Variants in TREH observed in about 807,000 individuals in gnomAD.
The protein encoded by TREH is alpha,alpha-trehalose glucohydrolase.
In TREH, 69 loss-of-function variants were observed where a neutral mutation model predicts 80.5. That is an observed-to-expected ratio of 0.86 (90% CI 0.71 to 1.05). The LOEUF is 1.05. Ranked by LOEUF, TREH falls within the 50% of genes least tolerant of loss-of-function variation. TREH has a pLI of 0.00. For missense variants in TREH, 716 were observed against 718.8 expected (o/e 1.00, Z 0.04); for synonymous variants, 309 against 293.5 (o/e 1.05, Z -0.54).
Position 118,658,713 on chromosome 11 carries a change from T to C in TREH, c.1566A>G (p.Gly522=). 1 of 1,604,532 alleles carries C rather than the reference T, an allele frequency of 6.2e-7. No homozygotes were observed. Among genetic ancestry groups the C allele is most frequent in the East Asian group, 2.3e-5 (1 of 44,398 alleles). ...CATATTCTCCTCCCCCACCGGGCTGTCCACCGTTGCTGACGTCATACTGGG... is the reference window on the plus strand; with the variant it reads ...CATATTCTCCTCCCCCACCGGGCTGCCCACCGTTGCTGACGTCATACTGGG... ...MYEKYDVSNG[G]QPGGGGEYEV... is the part of the protein sequence containing the mutation. The change falls in exon 14 of 15, where the codon GGA becomes GGG. Residue 522 remains glycine, a synonymous_variant. Transcript: ENST00000264029.
chr11:118,676,194 G>A (rs886653470), intron 1 of TREH, among the ~76,000 whole-genome samples: 27 of 152,160 alleles, frequency 1.8e-4, no homozygotes, highest in African/African-American at 4.3e-4. Context: ...TTTCTGGCAC[G>A]GCCTGCCTTC....
intron 1 of TREH, among the ~76,000 whole-genome samples, chr11:118,666,105 T>TGTA (rs1260712798): frequency 6.6e-6 from 1 of 152,090 alleles, no homozygotes; most frequent in Non-Finnish European, 1.5e-5. Context: ...GGCATGATGG[T>TGTA]GCCTGTAATT....
intron 1 of TREH, among the ~76,000 whole-genome samples, chr11:118,679,032 G>GT (rs1349494367): frequency 2.0e-5 from 3 of 152,246 alleles, no homozygotes; most frequent in African/African-American, 7.2e-5. Flanking sequence ...GCTCTGGCCA[G>GT]CAGGCTCTTG....
intron 1 of TREH, among the ~76,000 whole-genome samples, chr11:118,668,238 C>T (rs983097285): frequency 6.6e-6 from 1 of 151,474 alleles, no homozygotes; most frequent in African/African-American, 2.4e-5. Context: ...TACTTCCAAA[C>T]TCTTCCTACA....
rs1555144053 is a variant in TREH, at chr11:118,658,717, C to T, written c.1562G>A (p.Gly521Asp). Residue 521 changes from glycine (G) to aspartate (D), a missense_variant, in exon 14 of 15, where the codon GGT becomes GAT. Physicochemically the swap from Gly to Asp is moderately conservative, Grantham distance 94. Coordinates refer to ENST00000264029, the MANE Select transcript of TREH (RefSeq NM_007180.3). ...TTCTCCTCCCCCACCGGGCTGTCCA[C>T]CGTTGCTGACGTCATACTGGGGACA... is the stretch of plus-strand genomic sequence containing the variant. The part of the protein sequence containing the change: ...AMYEKYDVSN[G>D]GQPGGGGEYE... 5 of 1,604,970 alleles carry T rather than the reference C, an allele frequency of 3.1e-6. No individual in the cohort carries two copies. The African/African-American group carries it at 4.0e-5, about 13-fold the overall frequency.
intron 1 of TREH, among the ~76,000 whole-genome samples, chr11:118,666,171 T>C (rs1287453818): frequency 6.6e-6 from 1 of 152,020 alleles, no homozygotes; most frequent in African/African-American, 2.4e-5. Context: ...AAGTGGAGGT[T>C]GCAGTGGGCC....
intron 4 of TREH, 193 bp downstream of exon 4, chr11:118,662,688 G>A (rs1225731809): frequency 1.3e-4 from 84 of 626,216 alleles, no homozygotes; most frequent in Non-Finnish European, 1.1e-5. Context: ...GAGGCGAGAT[G>A]TTAGAAGTAG....
At chr11:118,666,206 C>T (rs1565528120) in intron 1 of TREH, among the ~76,000 whole-genome samples, 1 of 151,540 alleles carries the variant, frequency 6.6e-6, no homozygotes, top group East Asian at 1.9e-4. Context: ...GCACTGCAGC[C>T]TGGGCAATGG....
chr11:118,663,298 G>A (rs1555145354), intron 2 of TREH, 41 bp downstream of exon 2: 1 of 1,564,436 alleles, frequency 6.4e-7, no homozygotes, highest in South Asian at 1.2e-5. Flanking sequence ...TCTTTGGAGA[G>A]AAGGTTCTCT....
chr11:118,658,610 G>A lies in TREH; in HGVS notation c.1599+70C>T, dbSNP rs1478732110. The A allele has an allele frequency of 4.5e-6, 7 of 1,544,480 alleles. No individual in the cohort carries two copies. In the Admixed American group the frequency reaches 1.4e-4, roughly 30 times the overall value. On this transcript the variant is annotated intron_variant, in intron 14 of 14. Coordinates refer to ENST00000264029, the MANE Select transcript of TREH (RefSeq NM_007180.3). Reference sequence around the variant, plus strand: ...ATGCAGGTGAGCACACTGAGGCCTGGGGCGGGGGTCATGAGCAGCAGAGTT... The same window carrying A: ...ATGCAGGTGAGCACACTGAGGCCTGAGGCGGGGGTCATGAGCAGCAGAGTT...
intron 13 of TREH, 70 bp from the exon 14 acceptor site, chr11:118,658,803 C>A (rs565616641): frequency 7.4e-5 from 119 of 1,611,114 alleles, no homozygotes; most frequent in Non-Finnish European, 7.7e-5. Flanking sequence ...ACAACCAGAG[C>A]CCCTGGGGAG....
In TREH at chr11:118,658,735, TGGGGACAAGCGGGTGG is replaced by T. The variant is rs781848712; in HGVS notation, c.1546-18_1546-3del. On this transcript the variant is annotated splice_region_variant and splice_polypyrimidine_tract_variant and intron_variant, in intron 13 of 14. Coordinates refer to ENST00000264029, the MANE Select transcript of TREH (RefSeq NM_007180.3). ...CTGTCCACCGTTGCTGACGTCATAC[TGGGGACAAGCGGGTGG>T]GCTGTATGTCAGGTACTGCCCCCCA... is the stretch of plus-strand genomic sequence containing the variant. 6.2e-7 allele frequency: 1 copy of T among 1,607,784 alleles called. No individual in the cohort carries two copies. The highest frequency in any genetic ancestry group is 1.7e-5 in the Admixed American group (1 of 58,742).
At chr11:118,665,484 C>T (rs1213755334) in intron 1 of TREH, among the ~76,000 whole-genome samples, 1 of 151,862 alleles carries the variant, frequency 6.6e-6, no homozygotes, top group Non-Finnish European at 1.5e-5. Flanking sequence ...CTAAAAAGTA[C>T]AAAAAATTAG....
rs1555147236 is a variant in TREH, at chr11:118,679,580, C to T, written c.48G>A (p.Leu16=). Residue 16 remains leucine, a synonymous_variant, in exon 1 of 15, where the codon CTG becomes CTA. Coordinates refer to ENST00000264029, the MANE Select transcript of TREH (RefSeq NM_007180.3). The part of the protein sequence containing the change: ...WELCLLLLLG[L]GLGSQEALPP... ...GTAGGGCCTCCTGGGACCCCAGTCC[C>T]AGCCCCAGCAGCAGTAGCAGGCACA... 1 of 1,553,708 alleles carries T rather than the reference C, an allele frequency of 6.4e-7. No homozygotes were observed. Among genetic ancestry groups the T allele is most frequent in the South Asian group, 1.2e-5 (1 of 81,432 alleles).
Position 118,664,117 on chromosome 11 carries a change from G to A in TREH, c.90-678C>T, listed in dbSNP as rs1213372912. Among the ~76,000 whole-genome samples the A allele has an allele frequency of 1.3e-5, 2 of 152,282 alleles. 1 individual carries two copies. Among genetic ancestry groups the A allele is most frequent in the South Asian group, 4.1e-4 (2 of 4,826 alleles). ...AGGTGCTAATGGTATTCAGGAGCAG[G>A]AAGCCTCTTTCCCCCTAGGGCCAAC... is the stretch of plus-strand genomic sequence containing the variant. On this transcript the variant is annotated intron_variant, in intron 1 of 14. Transcript: ENST00000264029.
In TREH at chr11:118,658,186, A is replaced by AGCAGCATCAGGACCACGCCATTCGTC; in HGVS notation, c.*102_*103insGACGAATGGCGTGGTCCTGATGCTGC. Reference sequence around the variant, plus strand: ...CCCTGCCCTCCACTTCGCTCTGAGGACAGGCTGGGAGGTAGGAGGGCATGA... The same window carrying AGCAGCATCAGGACCACGCCATTCGTC: ...CCCTGCCCTCCACTTCGCTCTGAGGAGCAGCATCAGGACCACGCCATTCGTCCAGGCTGGGAGGTAGGAGGGCATGA... On this transcript the variant is annotated 3_prime_UTR_variant, in exon 15 of 15. Coordinates refer to ENST00000264029, the MANE Select transcript of TREH (RefSeq NM_007180.3). 3 of 1,450,910 alleles carry AGCAGCATCAGGACCACGCCATTCGTC rather than the reference A, an allele frequency of 2.1e-6. No homozygotes were observed. The highest frequency in any genetic ancestry group is 2.8e-6 in the Non-Finnish European group (3 of 1,079,520). 89.9% of individuals were successfully genotyped at this position (1,450,910 alleles called of 1,614,324 possible).
At chr11:118,664,976 G>T (rs782409058) in intron 1 of TREH, among the ~76,000 whole-genome samples, 48 of 152,274 alleles carry the variant, frequency 3.2e-4, no homozygotes, top group Admixed American at 1.8e-3. Flanking sequence ...AGATGTGGTG[G>T]CACGTGCCTG....
At chr11:118,667,616 C>T (rs1047472031) in intron 1 of TREH, among the ~76,000 whole-genome samples, 1 of 152,200 alleles carries the variant, frequency 6.6e-6, no homozygotes, top group Non-Finnish European at 1.5e-5. Context: ...TTATGGCATA[C>T]TCAAACTAAT....
At chr11:118,678,082 G>T (rs1210248022) in intron 1 of TREH, among the ~76,000 whole-genome samples, 1 of 151,988 alleles carries the variant, frequency 6.6e-6, no homozygotes, top group South Asian at 2.1e-4. Context: ...CTGGAGCCCC[G>T]CTCTCCCCGG....
Sources: allele counts gnomAD v4.1 joint callset (sites outside exome capture counted in the v4.1 genomes callset), GRCh38; gene constraint gnomAD v4.1.1; transcripts MANE v1.5; gene names NCBI Gene and HGNC (gene_info 2026-07-23, HGNC 2026-07-21).